Variants in ADAMTSL1 observed in about 807,000 individuals in gnomAD.
ADAMTSL1 encodes ADAMTS-like protein 1.
Under a neutral mutation model 201.8 loss-of-function variants are expected in ADAMTSL1, and 126 were observed. The observed-to-expected ratio is 0.62, with a 90% CI of 0.54 to 0.72. The LOEUF (loss-of-function observed/expected upper bound fraction) is 0.72. Among genes scored for constraint, ADAMTSL1 ranks in the 30% least tolerant of loss-of-function variants. ADAMTSL1 has a pLI of 0.00. For synonymous variants in ADAMTSL1, 1,121 were observed against 903.4 expected (o/e 1.24, Z -4.32); for missense variants, 2,679 against 2,277.8 (o/e 1.18, Z -3.59).
chr9:17,980,499 T>C (rs1254037559), intron 1 of ADAMTSL1, among the ~76,000 whole-genome samples: 3 of 152,174 alleles, frequency 2.0e-5, no homozygotes, highest in African/African-American at 7.2e-5. Context: ...GCACTTCTAC[T>C]TGACTTCTTT....
rs1263122768 is a variant in ADAMTSL1, at chr9:18,533,269, C to T, written c.214C>T (p.Arg72Ter). ...TAGGAGCTGTGAAGGAAGAAATATC[C>T]GATACAGAACATGCAGTAATGTGGT... is the stretch of plus-strand genomic sequence containing the variant. ...SSKSCEGRNI[R>*]YRTCSNVDCP... The change falls in exon 3 of 29, where the codon CGA becomes TGA. Residue 72 changes from arginine (R) to a stop codon, truncating the protein, a stop_gained. Coordinates refer to ENST00000380548, the MANE Select transcript of ADAMTSL1 (RefSeq NM_001040272.6). LOFTEE classifies it high-confidence loss of function. 10 of 1,602,698 alleles carry T rather than the reference C, an allele frequency of 6.2e-6. No homozygotes were observed. The highest frequency in any genetic ancestry group is 2.3e-5 in the East Asian group (1 of 44,316).
intron 2 of ADAMTSL1, among the ~76,000 whole-genome samples, chr9:18,438,841 G>C (rs16936707): frequency 0.015 from 2,257 of 152,158 alleles, 36 homozygotes; most frequent in South Asian, 0.07. Flanking sequence ...GAGGCTCATT[G>C]CACCACGTGC....
At chr9:18,797,585 A>G (rs1822506125) in intron 20 of ADAMTSL1, among the ~76,000 whole-genome samples, 1 of 152,178 alleles carries the variant, frequency 6.6e-6, no homozygotes, top group Non-Finnish European at 1.5e-5. Context: ...TATAAGATAT[A>G]ATCTGAACAT....
At chr9:18,135,027 C>T (rs576436237) in intron 1 of ADAMTSL1, among the ~76,000 whole-genome samples, 10 of 152,298 alleles carry the variant, frequency 6.6e-5, no homozygotes, top group African/African-American at 2.2e-4. Context: ...GGAATCAATA[C>T]TGCCATTGCC....
intron 21 of ADAMTSL1, among the ~76,000 whole-genome samples, chr9:18,820,189 T>A (rs189621668): frequency 6.6e-6 from 1 of 152,380 alleles, no homozygotes; most frequent in East Asian, 1.9e-4. Flanking sequence ...TTCATTCATG[T>A]TATTCATTTA....
At chr9:18,478,191 G>T (rs1821554702) in intron 1 of ADAMTSL1, among the ~76,000 whole-genome samples, 3 of 152,038 alleles carry the variant, frequency 2.0e-5, no homozygotes, top group Non-Finnish European at 2.9e-5. Flanking sequence ...TACAGTTAGG[G>T]TTTGCAATTT....
chr9:18,771,681 A>T (rs1820694328), intron 17 of ADAMTSL1, among the ~76,000 whole-genome samples: 1 of 142,618 alleles, frequency 7.0e-6, no homozygotes, highest in African/African-American at 2.5e-5. Context: ...TAAGCATTTG[A>T]ATTTGCCTTC....
intron 2 of ADAMTSL1, among the ~76,000 whole-genome samples, chr9:18,451,301 G>A (rs1387451357): frequency 2.6e-5 from 4 of 151,982 alleles, no homozygotes; most frequent in Admixed American, 6.6e-5. Flanking sequence ...TGGTAAGATC[G>A]CCACATAAGA....
At chr9:18,476,657 G>A (rs1488605726) in intron 1 of ADAMTSL1, among the ~76,000 whole-genome samples, 1 of 151,584 alleles carries the variant, frequency 6.6e-6, no homozygotes, top group Non-Finnish European at 1.5e-5. Context: ...TGAGGGGCTT[G>A]TTTTTCCTAT....
At chr9:18,689,993 C>T (rs907409221) in intron 13 of ADAMTSL1, among the ~76,000 whole-genome samples, 7 of 151,948 alleles carry the variant, frequency 4.6e-5, no homozygotes, top group Non-Finnish European at 8.8e-5. Flanking sequence ...TGAGCCATTA[C>T]AAAAAAGAAG....
chr9:18,868,773 C>T (rs1827700327), intron 23 of ADAMTSL1, among the ~76,000 whole-genome samples: 1 of 152,198 alleles, frequency 6.6e-6, no homozygotes, highest in Non-Finnish European at 1.5e-5. Flanking sequence ...GCACCCTCAA[C>T]TCCGGAATTC....
At chr9:18,408,122 A>G (rs1024570832) in intron 2 of ADAMTSL1, among the ~76,000 whole-genome samples, 1 of 152,160 alleles carries the variant, frequency 6.6e-6, no homozygotes, top group Non-Finnish European at 1.5e-5. Flanking sequence ...AAACATAGAT[A>G]ATTTTCTTTA....
chr9:18,585,214 G>C (rs10963650), intron 4 of ADAMTSL1, among the ~76,000 whole-genome samples: 14,822 of 151,986 alleles, frequency 0.098, 814 homozygotes, highest in African/African-American at 0.14. Flanking sequence ...TTTCCATCTT[G>C]CTATTCCATT....
intron 2 of ADAMTSL1, among the ~76,000 whole-genome samples, chr9:18,335,869 G>A (rs1423187751): frequency 1.3e-5 from 2 of 152,078 alleles, no homozygotes; most frequent in Non-Finnish European, 2.9e-5. Context: ...TTGAATTTGG[G>A]AGGTTGTAGA....
At chr9:18,847,080 A>C (rs1030647531) in intron 23 of ADAMTSL1, among the ~76,000 whole-genome samples, 1 of 152,238 alleles carries the variant, frequency 6.6e-6, no homozygotes, top group Non-Finnish European at 1.5e-5. Context: ...CTACCTGCTC[A>C]GGCTTTATTA....
intron 2 of ADAMTSL1, among the ~76,000 whole-genome samples, chr9:18,200,359 A>C (rs566916667): frequency 6.6e-6 from 1 of 152,102 alleles, no homozygotes; most frequent in African/African-American, 2.4e-5. Context: ...TTCTATACTC[A>C]TTTGATTCTC....
chr9:18,373,836 G>C (rs887044058), intron 2 of ADAMTSL1, among the ~76,000 whole-genome samples: 4 of 152,124 alleles, frequency 2.6e-5, no homozygotes, highest in African/African-American at 7.2e-5. Flanking sequence ...TTTTCACCTA[G>C]CTACTAGGAG....
chr9:18,330,344 T>A (rs1259977292), intron 2 of ADAMTSL1, among the ~76,000 whole-genome samples: 1 of 152,100 alleles, frequency 6.6e-6, no homozygotes, highest in African/African-American at 2.4e-5. Flanking sequence ...TCCCTGATCC[T>A]GCCACTCTTG....
At chr9:18,555,683 C>T (rs1044730482) in intron 3 of ADAMTSL1, among the ~76,000 whole-genome samples, 2 of 151,902 alleles carry the variant, frequency 1.3e-5, no homozygotes, top group Non-Finnish European at 2.9e-5. Flanking sequence ...AGGGAGTTGT[C>T]AGAGAAGGAG....
Sources: gnomAD v4.1 joint callset for allele counts (sites outside exome capture counted in the v4.1 genomes callset) on GRCh38, gnomAD v4.1.1 for gene constraint, MANE v1.5 for transcripts, NCBI Gene and HGNC (gene_info 2026-07-23, HGNC 2026-07-21) for gene names.